GRIP2: variants seen among roughly 807,000 people sequenced by gnomAD.
GRIP2 encodes the protein glutamate receptor interacting protein 2, also known as glutamate receptor-interacting protein 2.
GRIP2 carries 58 observed loss-of-function variants against 108.3 expected under a neutral mutation model. That is an observed-to-expected ratio of 0.54 (90% CI 0.43 to 0.67). The LOEUF (loss-of-function observed/expected upper bound fraction) is 0.67, where lower values mean the gene tolerates loss of function less well. GRIP2 is among the 30% of genes least tolerant of loss of function. The probability of loss-of-function intolerance (pLI) is 0.00; values close to 1 mark genes in which losing one functional copy is unlikely to be tolerated. For missense variants in GRIP2, 1,278 were observed against 1,430.6 expected (o/e 0.89, Z 1.72); for synonymous variants, 586 against 598.2 (o/e 0.98, Z 0.30).
In GRIP2 at chr3:14,496,547, G is replaced by A. The variant is rs374694751; in HGVS notation, c.2693C>T (p.Thr898Met). 7.5e-5 allele frequency: 120 copies of A among 1,597,362 alleles called. No individual in the cohort carries two copies. The highest frequency in any genetic ancestry group is 2.8e-4 in the African/African-American group (20 of 71,030). The change falls in exon 22 of 24, where the codon ACG becomes ATG. Residue 898 changes from threonine to methionine, a missense_variant. Transcript: ENST00000621039. ...LLRELEASIM[T>M]GTVQRVALEG... The stretch of plus-strand genomic sequence containing the variant: ...GAGGGCCACCCTCTGCACGGTGCCC[G>A]TCATGATGGATGCCTGCAAGGAACA...
chr3:14,582,478 T>C, the GRIP2 span, among the ~76,000 whole-genome samples: 1 of 152,156 alleles, frequency 6.6e-6, no homozygotes, highest in African/African-American at 2.4e-5. Context: ...AGCTTGGATG[T>C]TTTAGGAATC....
chr3:14,520,060 G>C, intron 9 of GRIP2, 50 bp downstream of exon 9: 3 of 1,517,848 alleles, frequency 2.0e-6, no homozygotes, highest in Non-Finnish European at 2.7e-6. Context: ...GGCCTCTCAG[G>C]CCTCATGACT....
chr3:14,517,009 CCTCACT>C (rs977328043), intron 11 of GRIP2, 49 bp downstream of exon 11: 4 of 1,425,824 alleles, frequency 2.8e-6, no homozygotes, highest in Non-Finnish European at 3.7e-6. Context: ...CTTTGGCAAG[CCTCACT>C]CTCAGACATA....
the GRIP2 span, among the ~76,000 whole-genome samples, chr3:14,599,265 G>T: frequency 6.6e-6 from 1 of 152,206 alleles, no homozygotes; most frequent in Non-Finnish European, 1.5e-5. Flanking sequence ...TGGATCTGAT[G>T]ACTTCTATAA....
the GRIP2 span, among the ~76,000 whole-genome samples, chr3:14,593,569 G>C: frequency 6.6e-6 from 1 of 152,192 alleles, no homozygotes; most frequent in East Asian, 1.9e-4. Flanking sequence ...CCTGAACATG[G>C]GTTTTGTGTG....
upstream of GRIP2, chr3:14,542,140 CTTTTT>C (rs1257455804): frequency 5.5e-6 from 6 of 1,100,170 alleles, no homozygotes; most frequent in Non-Finnish European, 6.0e-6. Context: ...CTCTTTCTCT[CTTTTT>C]ATTTTTTATT....
At chr3:14,518,116 G>A (rs904007403) in intron 9 of GRIP2, among the ~76,000 whole-genome samples, 1 of 152,212 alleles carries the variant, frequency 6.6e-6, no homozygotes, top group Non-Finnish European at 1.5e-5. Flanking sequence ...AGGGACAGGA[G>A]AGAGAAAGGA....
In GRIP2 at chr3:14,523,536, C is replaced by A. The variant is rs7648916; in HGVS notation, c.490+76G>T. 1,664 of 942,580 alleles carry A rather than the reference C, an allele frequency of 1.8e-3. 16 individuals carry two copies. In the African/African-American group the frequency reaches 0.024, roughly 14 times the overall value. 58.4% of individuals were successfully genotyped at this position (942,580 alleles called of 1,614,324 possible). On this transcript the variant is annotated intron_variant, in intron 5 of 23. Transcript: ENST00000621039. ...AGATACACATAAATTACATTCAAAT[C>A]CAAACAGCACACACATGGAATTAGT...
At chr3:14,503,871 G>A (rs1355399515) in intron 20 of GRIP2, 200 bp from the exon 21 acceptor site, 3 of 586,044 alleles carry the variant, frequency 5.1e-6, no homozygotes, top group South Asian at 2.0e-5. Context: ...GGGGAAAGAC[G>A]CAGTTAGGGG....
chr3:14,565,366 G>C, the GRIP2 span, among the ~76,000 whole-genome samples: 1 of 152,180 alleles, frequency 6.6e-6, no homozygotes, highest in African/African-American at 2.4e-5. Context: ...TCCCAGACGG[G>C]GCTGCTGTTC....
chr3:14,514,974 G>A (rs1669412520), intron 11 of GRIP2, among the ~76,000 whole-genome samples: 2 of 152,296 alleles, frequency 1.3e-5, no homozygotes, highest in South Asian at 2.1e-4. Flanking sequence ...AAGAAACCCT[G>A]TTCCCTTCAG....
chr3:14,517,326 C>A, intron 10 of GRIP2, 113 bp from the exon 11 acceptor site: 2 of 1,074,430 alleles, frequency 1.9e-6, no homozygotes, highest in Non-Finnish European at 2.6e-6. Flanking sequence ...TGCCTTCCCC[C>A]TTCACATCAG....
chr3:14,537,730 G>A (rs1454604611), intron 1 of GRIP2, among the ~76,000 whole-genome samples: 1 of 152,192 alleles, frequency 6.6e-6, no homozygotes, highest in Non-Finnish European at 1.5e-5. Flanking sequence ...CCTGGTGAGG[G>A]CCCCTCGGAG....
chr3:14,544,775 G>T (rs1241690583), upstream of GRIP2, among the ~76,000 whole-genome samples: 1 of 152,222 alleles, frequency 6.6e-6, no homozygotes, highest in Non-Finnish European at 1.5e-5. Flanking sequence ...ATTTCAGCCA[G>T]GTAGGCATTA....
chr3:14,550,179 C>A (rs994354905), intron 1 of GRIP2, among the ~76,000 whole-genome samples: 6 of 152,204 alleles, frequency 3.9e-5, no homozygotes, highest in African/African-American at 1.2e-4. Flanking sequence ...AACTGACCAG[C>A]CCTCTCCAGC....
chr3:14,496,419 T>C lies in GRIP2; in HGVS notation c.2821A>G (p.Lys941Glu), dbSNP rs867821602. 3.7e-6 allele frequency: 6 copies of C among 1,609,980 alleles called. No homozygotes were observed. In the Middle Eastern group the frequency reaches 1.0e-3, roughly 268 times the overall value. The part of the protein sequence containing the change: ...LLLPTPLEMH[K>E]VTLHKDPMRH... Reference sequence around the variant, plus strand: ...CTGTGCTCACCCCCTGTGCCTACCTTGTGCATCTCCAAGGGTGTAGGCAGC... The same window carrying C: ...CTGTGCTCACCCCCTGTGCCTACCTCGTGCATCTCCAAGGGTGTAGGCAGC... The change falls in exon 22 of 24, where the codon AAG (lysine) becomes GAG (glutamate). Residue 941 changes from lysine to glutamate, a missense_variant and splice_region_variant. Transcript: ENST00000621039.
At chr3:14,564,903 C>T in the GRIP2 span, among the ~76,000 whole-genome samples, 1 of 152,184 alleles carries the variant, frequency 6.6e-6, no homozygotes, top group Non-Finnish European at 1.5e-5. Flanking sequence ...TACCCTGGGA[C>T]CCACCCTGCT....
At chr3:14,495,055 C>T in intron 22 of GRIP2, 66 bp from the exon 23 acceptor site, 3 of 1,579,220 alleles carry the variant, frequency 1.9e-6, no homozygotes, top group African/African-American at 1.3e-5. Context: ...TCACAGTAGC[C>T]CAGGTCCTTT....
chr3:14,584,790 A>C, the GRIP2 span, among the ~76,000 whole-genome samples: 1 of 152,070 alleles, frequency 6.6e-6, no homozygotes, highest in Non-Finnish European at 1.5e-5. Flanking sequence ...ATCTTTTACG[A>C]AGCACCCATA....
Sources: gnomAD v4.1 joint callset for allele counts (sites outside exome capture counted in the v4.1 genomes callset) on GRCh38, gnomAD v4.1.1 for gene constraint, MANE v1.5 for transcripts, NCBI Gene and HGNC (gene_info 2026-07-23, HGNC 2026-07-21) for gene names.